The following NTN1 variants were observed in gnomAD, a reference collection of about 807,000 sequenced individuals.
NTN1 encodes netrin-1.
NTN1 carries 11 observed loss-of-function variants against 54.2 expected under a neutral mutation model. The ratio of observed to expected loss-of-function variants is 0.20; its 90% CI spans 0.13 to 0.34. The LOEUF is 0.34. Ranked by LOEUF, NTN1 falls within the 10% of genes least tolerant of loss-of-function variation. NTN1 has a pLI of 1.00. For missense variants in NTN1, 740 were observed against 893.1 expected (o/e 0.83, Z 2.18); for synonymous variants, 371 against 382.0 (o/e 0.97, Z 0.33).
At chr17:9,141,497 G>A (rs545204696) in intron 2 of NTN1, among the ~76,000 whole-genome samples, 8 of 152,308 alleles carry the variant, frequency 5.3e-5, no homozygotes, top group East Asian at 3.9e-4. Context: ...TGGCCTTAGC[G>A]TGGGCGTCCT....
At chr17:9,110,928 G>T (rs1041486927) in intron 2 of NTN1, among the ~76,000 whole-genome samples, 2 of 139,922 alleles carry the variant, frequency 1.4e-5, no homozygotes, top group Non-Finnish European at 3.0e-5. Flanking sequence ...TTAAATTCAG[G>T]ATCTTTTTTT....
chr17:9,041,767 G>GGGAGGC (rs2091922315), intron 2 of NTN1, among the ~76,000 whole-genome samples: 1 of 152,098 alleles, frequency 6.6e-6, no homozygotes, highest in Admixed American at 6.5e-5. Flanking sequence ...TCAGCACTTT[G>GGGAGGC]GGAGGCGGAG....
chr17:9,181,724 C>T (rs4791812), intron 4 of NTN1, among the ~76,000 whole-genome samples: 46,665 of 152,082 alleles, frequency 0.31, 8,281 homozygotes, highest in East Asian at 0.54. Context: ...TCTAGGGAGT[C>T]AGAGTTTTAC....
At chr17:9,207,895 C>A (rs1170962369) in intron 5 of NTN1, among the ~76,000 whole-genome samples, 1 of 152,234 alleles carries the variant, frequency 6.6e-6, no homozygotes, top group African/African-American at 2.4e-5. Context: ...CTCTCCAGCC[C>A]AACTCGTGCC....
intron 2 of NTN1, among the ~76,000 whole-genome samples, chr17:9,144,800 T>A (rs1230890917): frequency 1.3e-5 from 2 of 152,224 alleles, no homozygotes; most frequent in Non-Finnish European, 2.9e-5. Context: ...AGCTTCTGCC[T>A]AATGAATCCC....
At chr17:9,192,806 C>T (rs1475065715) in intron 5 of NTN1, among the ~76,000 whole-genome samples, 1 of 152,150 alleles carries the variant, frequency 6.6e-6, no homozygotes, top group East Asian at 1.9e-4. Context: ...CTCGGCCGGG[C>T]GCGGTGGCTC....
chr17:9,040,280 A>T (rs922425496), intron 2 of NTN1, among the ~76,000 whole-genome samples: 1 of 152,170 alleles, frequency 6.6e-6, no homozygotes, highest in African/African-American at 2.4e-5. Context: ...CTTTTATGCT[A>T]TTCAGTAAGG....
intron 2 of NTN1, among the ~76,000 whole-genome samples, chr17:9,028,153 C>T (rs996696011): frequency 1.3e-5 from 2 of 152,102 alleles, no homozygotes; most frequent in African/African-American, 4.8e-5. Flanking sequence ...TCTCTTTTCA[C>T]CCTAGTGTTC....
At chr17:9,041,043 G>A (rs1464628998) in intron 2 of NTN1, among the ~76,000 whole-genome samples, 1 of 152,012 alleles carries the variant, frequency 6.6e-6, no homozygotes, top group African/African-American at 2.4e-5. Flanking sequence ...AAACTCCTGG[G>A]TTCAAGTGAT....
intron 5 of NTN1, among the ~76,000 whole-genome samples, chr17:9,197,277 C>A (rs529539117): frequency 4.6e-5 from 7 of 152,156 alleles, no homozygotes. Context: ...TTACCACGGT[C>A]CTTCAAGTAG....
At chr17:9,222,028 G>A (rs543667691) in intron 6 of NTN1, among the ~76,000 whole-genome samples, 3 of 152,192 alleles carry the variant, frequency 2.0e-5, no homozygotes, top group African/African-American at 4.8e-5. Context: ...CACTGGCAAG[G>A]CCCCCGCATA....
At chr17:9,024,902 A>C (rs1345917522) in intron 2 of NTN1, among the ~76,000 whole-genome samples, 1 of 152,202 alleles carries the variant, frequency 6.6e-6, no homozygotes. Context: ...TTCTAGAATA[A>C]AATTCCTTTG....
At chr17:9,202,459 TG>T (rs992271053) in intron 5 of NTN1, among the ~76,000 whole-genome samples, 4 of 152,204 alleles carry the variant, frequency 2.6e-5, no homozygotes, top group Non-Finnish European at 5.9e-5. Flanking sequence ...TTTGAGTCTG[TG>T]GGTACCTGGA....
At chr17:9,090,043 G>C (rs925995124) in intron 2 of NTN1, among the ~76,000 whole-genome samples, 1 of 152,146 alleles carries the variant, frequency 6.6e-6, no homozygotes, top group Non-Finnish European at 1.5e-5. Flanking sequence ...AGGACATGGT[G>C]GGAAAGGCTG....
intron 6 of NTN1, among the ~76,000 whole-genome samples, chr17:9,226,158 G>GGGT (rs1209334796): frequency 7.1e-6 from 1 of 140,574 alleles, no homozygotes; most frequent in African/African-American, 2.6e-5. Context: ...AAGGGATTTG[G>GGGT]GGTCGGGGGG....
chr17:9,089,281 G>A lies in NTN1; in HGVS notation c.1018+65890G>A, dbSNP rs191714247. Among the ~76,000 whole-genome samples the A allele has an allele frequency of 2.2e-4, 33 of 152,184 alleles. No individual in the cohort carries two copies. In the East Asian group the frequency reaches 3.3e-3, roughly 15 times the overall value. The stretch of plus-strand genomic sequence containing the variant: ...TACAAAAAAGTTAGCCAGGTGTGGT[G>A]GCGGGCACTTGTAGTCCCAGCTACT... On this transcript the variant is annotated intron_variant, in intron 2 of 6. Coordinates refer to ENST00000173229, the MANE Select transcript of NTN1 (RefSeq NM_004822.3).
chr17:9,193,925 A>AAAAAAAAAAAAAAAAAAC (rs1904542378), intron 5 of NTN1, among the ~76,000 whole-genome samples: 1 of 132,500 alleles, frequency 7.5e-6, no homozygotes, highest in African/African-American at 2.9e-5. Context: ...CCGACTAAAA[A>AAAAAAAAAAAAAAAAAAC]AAAAAAAAAA....
At chr17:9,041,668 TG>T (rs372104003) in intron 2 of NTN1, among the ~76,000 whole-genome samples, 1 of 152,302 alleles carries the variant, frequency 6.6e-6, no homozygotes, top group Non-Finnish European at 1.5e-5. Context: ...TGTGGACATC[TG>T]CTTTCTCTGG....
chr17:9,143,267 G>T (rs1269507785), intron 2 of NTN1, among the ~76,000 whole-genome samples: 1 of 152,226 alleles, frequency 6.6e-6, no homozygotes, highest in Non-Finnish European at 1.5e-5. Context: ...AGCAGGGGGA[G>T]GAGTGGAGAG....
Sources: allele counts gnomAD v4.1 joint callset (sites outside exome capture counted in the v4.1 genomes callset), GRCh38; gene constraint gnomAD v4.1.1; transcripts MANE v1.5; gene names NCBI Gene and HGNC (gene_info 2026-07-23, HGNC 2026-07-21).